Variants in OXR1 observed in about 807,000 individuals in gnomAD.
OXR1 encodes oxidation resistance 1.
In OXR1, 41 loss-of-function variants were observed where a neutral mutation model predicts 104.6. That is an observed-to-expected ratio of 0.39 (90% CI 0.31 to 0.51). The LOEUF (loss-of-function observed/expected upper bound fraction) is 0.51, where lower values mean the gene tolerates loss of function less well. Ranked by LOEUF, OXR1 falls within the 20% of genes least tolerant of loss-of-function variation. The pLI is 0.77. For synonymous variants in OXR1, 348 were observed against 348.4 expected (o/e 1.00, Z 0.01); for missense variants, 955 against 1,031.9 (o/e 0.93, Z 1.02).
At chr8:106,284,238 A>C (rs2130004251) in intron 1 of OXR1, among the ~76,000 whole-genome samples, 1 of 152,048 alleles carries the variant, frequency 6.6e-6, no homozygotes, top group South Asian at 2.1e-4. Context: ...CATGACACTG[A>C]GAATGGAGGG....
intron 1 of OXR1, among the ~76,000 whole-genome samples, chr8:106,286,921 C>T (rs2130018808): frequency 6.6e-6 from 1 of 152,232 alleles, no homozygotes; most frequent in South Asian, 2.1e-4. Context: ...TCTAGTAACT[C>T]AGCAATAAAA....
chr8:106,466,052 T>C (rs1647948287), intron 2 of OXR1, among the ~76,000 whole-genome samples: 2 of 152,112 alleles, frequency 1.3e-5, no homozygotes, highest in Admixed American at 1.3e-4. Context: ...CCTACTTCTA[T>C]ACCTTGTATA....
chr8:106,396,518 G>T (rs964477560), intron 2 of OXR1, among the ~76,000 whole-genome samples: 6 of 152,008 alleles, frequency 3.9e-5, no homozygotes, highest in Non-Finnish European at 8.8e-5. Flanking sequence ...TATTAAAACT[G>T]TCAAGGTAAT....
At chr8:106,500,727 A>G (rs1181789754) in intron 2 of OXR1, among the ~76,000 whole-genome samples, 1 of 152,086 alleles carries the variant, frequency 6.6e-6, no homozygotes, top group Non-Finnish European at 1.5e-5. Context: ...CTGCAGAGAA[A>G]CTGTCATTTT....
At chr8:106,293,766 G>A (rs910926841) in intron 1 of OXR1, among the ~76,000 whole-genome samples, 1 of 152,076 alleles carries the variant, frequency 6.6e-6, no homozygotes, top group Non-Finnish European at 1.5e-5. Context: ...AAGGGCAAAA[G>A]ACAGAACCCA....
At chr8:106,427,868 T>G (rs1819197983) in intron 2 of OXR1, among the ~76,000 whole-genome samples, 1 of 152,196 alleles carries the variant, frequency 6.6e-6, no homozygotes, top group Non-Finnish European at 1.5e-5. Flanking sequence ...TTTCTGCCTT[T>G]AGCTTAGTGA....
chr8:106,471,139 A>C (rs544126079), intron 2 of OXR1, among the ~76,000 whole-genome samples: 1 of 151,810 alleles, frequency 6.6e-6, no homozygotes, highest in African/African-American at 2.4e-5. Context: ...GAGAGTAAAA[A>C]CAGCATGTTT....
intron 3 of OXR1, among the ~76,000 whole-genome samples, chr8:106,584,699 T>A (rs977846472): frequency 1.3e-5 from 2 of 152,196 alleles, no homozygotes; most frequent in Non-Finnish European, 2.9e-5. Flanking sequence ...ATGCACATTT[T>A]AAAAATTTCC....
Position 106,519,083 on chromosome 8 carries a change from C to A in OXR1, c.164C>A (p.Ala55Glu). Residue 55 changes from alanine (A) to glutamate (E), a missense_variant, in exon 3 of 17, where the codon GCA (alanine) becomes GAA (glutamate). Ala to Glu is a moderately radical substitution (Grantham distance 107). Around this residue, in one of 2 missense-constraint regions of OXR1, gnomAD observed 849 missense variants for 852.9 expected, o/e 1.00. Transcript: ENST00000517566. ...PIIEEEQNNA[A>E]NTQKHPSRRS... ...ATTGAAGAAGAGCAGAACAATGCAG[C>A]AAATACTCAGAAACATCCTTCCAGA... 1 of 1,552,108 alleles carries A rather than the reference C, an allele frequency of 6.4e-7. No individual in the cohort carries two copies. Among genetic ancestry groups the A allele is most frequent in the Non-Finnish European group, 8.7e-7 (1 of 1,147,010 alleles).
intron 3 of OXR1, among the ~76,000 whole-genome samples, chr8:106,558,419 A>T (rs1816442363): frequency 6.6e-6 from 1 of 152,190 alleles, no homozygotes; most frequent in South Asian, 2.1e-4. Context: ...TTCCTAGATA[A>T]TCAGGTGGCC....
At chr8:106,744,798 CAAGAA>C (rs1835242850) in intron 15 of OXR1, among the ~76,000 whole-genome samples, 1 of 152,014 alleles carries the variant, frequency 6.6e-6, no homozygotes, top group Non-Finnish European at 1.5e-5. Flanking sequence ...ATTTTAATCT[CAAGAA>C]AAGGAATCAA....
intron 7 of OXR1, among the ~76,000 whole-genome samples, chr8:106,695,049 C>G (rs537910878): frequency 2.9e-5 from 4 of 138,548 alleles, no homozygotes; most frequent in African/African-American, 1.1e-4. Flanking sequence ...ATAGTACACA[C>G]ACCTTACAAC....
At chr8:106,476,005 CT>C (rs1821790006) in intron 2 of OXR1, among the ~76,000 whole-genome samples, 1 of 143,310 alleles carries the variant, frequency 7.0e-6, no homozygotes, top group South Asian at 2.1e-4. Context: ...GAATTTCTTG[CT>C]TTGGGCTTTA....
At chr8:106,588,468 A>T (rs1345576821) in intron 3 of OXR1, among the ~76,000 whole-genome samples, 1 of 151,214 alleles carries the variant, frequency 6.6e-6, no homozygotes, top group South Asian at 2.1e-4. Flanking sequence ...ATTTATGTGC[A>T]AGAAATTCAT....
rs780600303 is a variant in OXR1 at position 106,706,537 on chromosome 8, T to G, written c.1016T>G (p.Phe339Cys). ...GAGGAGTCTCTTTCTGAAGATGTGT[T>G]CACAGAATCAGAACTTTCCCCTATA... ...STEESLSEDV[F>C]TESELSPIRE... The change falls in exon 9 of 17, where the codon TTC becomes TGC. Residue 339 changes from phenylalanine (F) to cysteine (C), a missense_variant. Physicochemically the swap from Phe to Cys is radical, Grantham distance 205. Coordinates refer to ENST00000517566, the MANE Select transcript of OXR1 (RefSeq NM_001198533.2). The G allele has an allele frequency of 6.2e-7, 1 of 1,608,452 alleles. No homozygotes were observed. Among genetic ancestry groups the G allele is most frequent in the Non-Finnish European group, 8.5e-7 (1 of 1,178,608 alleles).
At chr8:106,358,227 C>T (rs1412576985) in intron 1 of OXR1, among the ~76,000 whole-genome samples, 1 of 152,190 alleles carries the variant, frequency 6.6e-6, no homozygotes, top group Admixed American at 6.5e-5. Flanking sequence ...ACCTCCTTCC[C>T]TGGTGTCCAT....
chr8:106,662,860 TGATGATGATGA>T (rs1825907247), intron 3 of OXR1, among the ~76,000 whole-genome samples: 1 of 151,596 alleles, frequency 6.6e-6, no homozygotes, highest in Non-Finnish European at 1.5e-5. Flanking sequence ...ATGATGATGA[TGATGATGATGA>T]TGATGATACT....
At chr8:106,485,179 A>G (rs1810564195) in intron 2 of OXR1, among the ~76,000 whole-genome samples, 1 of 151,784 alleles carries the variant, frequency 6.6e-6, no homozygotes, top group African/African-American at 2.4e-5. Context: ...GAGAGAGATA[A>G]ACAGGTAGAG....
At position 106,702,905 on chromosome 8, in the gene OXR1, G is replaced by T; in HGVS notation, c.676-1G>T. ...AATGTTACTTTCTTTTTTCACCTTA[G>T]GGCACAGTCAGTGGTGTGCTGCTAG... is the stretch of plus-strand genomic sequence containing the variant. On this transcript the variant is annotated splice_acceptor_variant, in intron 7 of 16. Transcript: ENST00000517566. LOFTEE classifies it high-confidence loss of function. The T allele has an allele frequency of 6.2e-7, 1 of 1,607,414 alleles. No homozygotes were observed. The highest frequency in any genetic ancestry group is 8.5e-7 in the Non-Finnish European group (1 of 1,176,380).
Sources: gnomAD v4.1 joint callset for allele counts (sites outside exome capture counted in the v4.1 genomes callset) on GRCh38, gnomAD v4.1.1 for gene constraint, gnomAD v4.1.1 regional missense constraint, MANE v1.5 for transcripts, NCBI Gene and HGNC (gene_info 2026-07-23, HGNC 2026-07-21) for gene names.